Variants in COMMD7 observed in about 807,000 individuals in gnomAD.
COMMD7 encodes the protein COMM domain-containing protein 7.
COMMD7 carries 28 observed loss-of-function variants against 34.8 expected under a neutral mutation model. The observed-to-expected ratio is 0.80, with a 90% confidence interval of 0.60 to 1.10. The LOEUF is 1.10. Among genes scored for constraint, COMMD7 ranks in the 50% least tolerant of loss-of-function variants. The probability of loss-of-function intolerance (pLI) is 0.00; values close to 1 mark genes in which losing one functional copy is unlikely to be tolerated. For synonymous variants in COMMD7, 80 were observed against 86.4 expected (o/e 0.93, Z 0.41); for missense variants, 211 against 241.6 (o/e 0.87, Z 0.84).
At chr20:32,711,123 G>A (rs539686124) in intron 3 of COMMD7, among the ~76,000 whole-genome samples, 50 of 151,896 alleles carry the variant, frequency 3.3e-4, no homozygotes, top group African/African-American at 1.2e-3. Context: ...TTGGCCGGGG[G>A]TGGTGGCTCA....
chr20:32,713,014 G>A (rs1046778856), intron 3 of COMMD7, among the ~76,000 whole-genome samples: 1 of 151,124 alleles, frequency 6.6e-6, no homozygotes, highest in African/African-American at 2.4e-5. Context: ...TTACAGGCGT[G>A]AGCCACTGTG....
At chr20:32,705,417 A>G (rs1984022253) in intron 5 of COMMD7, among the ~76,000 whole-genome samples, 1 of 149,148 alleles carries the variant, frequency 6.7e-6, no homozygotes, top group South Asian at 2.1e-4. Flanking sequence ...TCTGTTGCCC[A>G]GGCTAGAGTG....
chr20:32,717,033 G>A (rs367958956), intron 3 of COMMD7, among the ~76,000 whole-genome samples: 21 of 152,170 alleles, frequency 1.4e-4, no homozygotes, highest in South Asian at 4.1e-4. Context: ...TGGTTTCACC[G>A]TATCAGCCAG....
At chr20:32,734,241 A>C (rs927251148) in intron 1 of COMMD7, among the ~76,000 whole-genome samples, 2 of 150,978 alleles carry the variant, frequency 1.3e-5, no homozygotes, top group African/African-American at 4.9e-5. Flanking sequence ...TTGGGAGGCC[A>C]AGGCGGGTGG....
At chr20:32,734,883 C>T (rs1307035332) in intron 1 of COMMD7, among the ~76,000 whole-genome samples, 2 of 151,756 alleles carry the variant, frequency 1.3e-5, no homozygotes, top group Non-Finnish European at 2.9e-5. Flanking sequence ...AAGATTGTAC[C>T]ATTGCAGTCC....
chr20:32,727,822 A>T, intron 3 of COMMD7, 71 bp downstream of exon 3: 2 of 1,277,184 alleles, frequency 1.6e-6, no homozygotes, highest in Non-Finnish European at 1.1e-6. Flanking sequence ...AGCATGCTTC[A>T]ATGACTCCAT....
intron 4 of COMMD7, 35 bp downstream of exon 4, chr20:32,706,669 C>A: frequency 5.0e-6 from 8 of 1,612,800 alleles, no homozygotes; most frequent in Non-Finnish European, 6.8e-6. Context: ...GCCTCAGAAG[C>A]CAGTCACCCT....
intron 3 of COMMD7, among the ~76,000 whole-genome samples, chr20:32,717,131 C>T (rs1024024971): frequency 1.1e-4 from 17 of 150,542 alleles, no homozygotes; most frequent in East Asian, 2.0e-4. Context: ...GTGCCCAGCC[C>T]GGGTTAATAA....
At chr20:32,717,536 G>A (rs1984871444) in intron 3 of COMMD7, among the ~76,000 whole-genome samples, 1 of 151,706 alleles carries the variant, frequency 6.6e-6, no homozygotes, top group Non-Finnish European at 1.5e-5. Flanking sequence ...ATGTTGGCCA[G>A]GCTGGTCTCA....
intron 3 of COMMD7, among the ~76,000 whole-genome samples, chr20:32,719,196 G>A (rs1038057668): frequency 6.6e-5 from 10 of 152,178 alleles, no homozygotes; most frequent in Admixed American, 5.9e-4. Flanking sequence ...TCCAAGTTGT[G>A]CTGTAGTTAA....
chr20:32,734,817 G>A (rs948673985), intron 1 of COMMD7, among the ~76,000 whole-genome samples: 1 of 151,970 alleles, frequency 6.6e-6, no homozygotes, highest in Non-Finnish European at 1.5e-5. Flanking sequence ...CCAGCTACTC[G>A]GGAGGCTGAG....
At chr20:32,741,177 G>A (rs1986423505) in intron 1 of COMMD7, among the ~76,000 whole-genome samples, 1 of 151,730 alleles carries the variant, frequency 6.6e-6, no homozygotes, top group African/African-American at 2.4e-5. Flanking sequence ...ACTGACAGTA[G>A]GCTAAGGTCA....
chr20:32,717,128 G>T (rs1461349309), intron 3 of COMMD7, among the ~76,000 whole-genome samples: 2 of 151,974 alleles, frequency 1.3e-5, no homozygotes, highest in Admixed American at 1.3e-4. Flanking sequence ...ACCGTGCCCA[G>T]CCCGGGTTAA....
intron 3 of COMMD7, among the ~76,000 whole-genome samples, chr20:32,719,658 AT>A (rs1447081113): frequency 8.1e-4 from 124 of 152,276 alleles, no homozygotes; most frequent in African/African-American, 2.7e-3. Flanking sequence ...CTAAAAAAAA[AT>A]ATAATAAAAT....
At chr20:32,718,101 A>T (rs2074615886) in intron 3 of COMMD7, among the ~76,000 whole-genome samples, 1 of 151,770 alleles carries the variant, frequency 6.6e-6, no homozygotes, top group African/African-American at 2.4e-5. Flanking sequence ...AAAAAAAAAA[A>T]AATCAATAAA....
intron 3 of COMMD7, among the ~76,000 whole-genome samples, chr20:32,720,856 TA>T (rs970900876): frequency 3.3e-4 from 50 of 152,252 alleles, no homozygotes; most frequent in African/African-American, 1.2e-3. Flanking sequence ...CAGCATCTCC[TA>T]AATTCTATTC....
intron 3 of COMMD7, among the ~76,000 whole-genome samples, chr20:32,719,030 G>A (rs1024395580): frequency 5.9e-5 from 9 of 152,166 alleles, no homozygotes; most frequent in African/African-American, 2.2e-4. Flanking sequence ...TACAATAAGA[G>A]CTTCTTGCAC....
chr20:32,730,554 C>CG, intron 1 of COMMD7, among the ~76,000 whole-genome samples: 5 of 96,878 alleles, frequency 5.2e-5, no homozygotes, highest in African/African-American at 1.7e-4. Context: ...GACTCCGTTT[C>CG]AAAAAACAAC....
In COMMD7 at chr20:32,740,318, A is replaced by G. The variant is rs539133911; in HGVS notation, c.84+2990T>C. 1.8e-4 allele frequency among the ~76,000 whole-genome samples: 3 copies of G among 16,656 alleles called. No homozygotes were observed. The South Asian group carries it at 7.1e-3, about 40-fold the overall frequency. 10.9% of individuals were successfully genotyped at this position (16,656 alleles called of 152,430 possible). A position where few individuals can be genotyped will look rare whatever the true frequency, so the allele number is the denominator to read the frequency against. ...GGCAACAGGGCCAGACACTGTCTCA[A>G]AAAAAAAAAGAAAAGGGCTAAACTA... On this transcript the variant is annotated intron_variant, in intron 1 of 8. Coordinates refer to ENST00000278980, the MANE Select transcript of COMMD7 (RefSeq NM_053041.3).
Sources: gnomAD v4.1 joint callset for allele counts (sites outside exome capture counted in the v4.1 genomes callset) on GRCh38, gnomAD v4.1.1 for gene constraint, MANE v1.5 for transcripts, NCBI Gene and HGNC (gene_info 2026-07-23, HGNC 2026-07-21) for gene names.